The following PTPRN2 variants were observed in gnomAD, a reference collection of about 807,000 sequenced individuals.
PTPRN2 encodes the protein protein tyrosine phosphatase receptor type N2, also known as receptor-type tyrosine-protein phosphatase N2.
A neutral mutation model predicts 118.8 loss-of-function variants in PTPRN2; 74 were observed. The observed-to-expected ratio is 0.62, with a 90% CI of 0.52 to 0.76. PTPRN2 has a LOEUF of 0.76. Ranked by LOEUF, PTPRN2 falls within the 30% of genes least tolerant of loss-of-function variation. PTPRN2 has a pLI of 0.00. For synonymous variants in PTPRN2, 641 were observed against 608.0 expected (o/e 1.05, Z -0.80); for missense variants, 1,481 against 1,394.4 (o/e 1.06, Z -0.99).
chr7:158,141,336 C>A (rs1330295747), intron 6 of PTPRN2, among the ~76,000 whole-genome samples: 2 of 152,208 alleles, frequency 1.3e-5, no homozygotes, highest in Non-Finnish European at 2.9e-5. Context: ...GCCTGTGGCA[C>A]CCCCGTTCAC....
At position 157,699,337 on chromosome 7, in the gene PTPRN2, C is replaced by G. The variant is rs77450735; in HGVS notation, c.1789-16400G>C. 2.7e-3 allele frequency among the ~76,000 whole-genome samples: 408 copies of G among 152,336 alleles called. 1 individual carries two copies. The highest frequency in any genetic ancestry group is 9.3e-3 in the African/African-American group (386 of 41,580). Reference sequence around the variant, plus strand: ...AGAAGGAAAATCAAATGATCACCATCAAGTGACATTTTTTGATTTTATATT... The same window carrying G: ...AGAAGGAAAATCAAATGATCACCATGAAGTGACATTTTTTGATTTTATATT... On this transcript the variant is annotated intron_variant, in intron 12 of 22. Transcript: ENST00000389418.
At chr7:158,255,108 C>T (rs1267758633) in intron 3 of PTPRN2, among the ~76,000 whole-genome samples, 1 of 152,138 alleles carries the variant, frequency 6.6e-6, no homozygotes, top group Non-Finnish European at 1.5e-5. Flanking sequence ...CAGAGCAACC[C>T]AAAAGCTCCC....
intron 10 of PTPRN2, among the ~76,000 whole-genome samples, chr7:158,092,890 G>C (rs1016104355): frequency 5.9e-5 from 9 of 152,154 alleles, no homozygotes; most frequent in Non-Finnish European, 1.3e-4. Flanking sequence ...CAAACCAAGA[G>C]AGCACGCTGC....
intron 17 of PTPRN2, among the ~76,000 whole-genome samples, chr7:157,580,702 G>A (rs1261713555): frequency 1.6e-5 from 1 of 63,446 alleles, no homozygotes; most frequent in Admixed American, 2.3e-4. Flanking sequence ...CTGGACACCC[G>A]AGCCCCTCCA....
chr7:158,122,616 C>T (rs1817264371), intron 9 of PTPRN2, among the ~76,000 whole-genome samples: 1 of 152,176 alleles, frequency 6.6e-6, no homozygotes. Flanking sequence ...CACACTGAGG[C>T]CCCACACAGC....
intron 11 of PTPRN2, among the ~76,000 whole-genome samples, chr7:157,961,019 A>G (rs1801494743): frequency 6.6e-6 from 1 of 152,200 alleles, no homozygotes; most frequent in Non-Finnish European, 1.5e-5. Context: ...AAACAAAAAC[A>G]AAACAAAACC....
At chr7:157,642,163 TC>T (rs1804710448) in intron 14 of PTPRN2, among the ~76,000 whole-genome samples, 1 of 152,220 alleles carries the variant, frequency 6.6e-6, no homozygotes, top group African/African-American at 2.4e-5. Flanking sequence ...GTCTAGTGTT[TC>T]TCCAGCCCTT....
chr7:158,468,526 T>G (rs1670356), intron 2 of PTPRN2, among the ~76,000 whole-genome samples: 102,586 of 151,338 alleles, frequency 0.68, 34,853 homozygotes, highest in Admixed American at 0.77. Context: ...CTGGCGCCAG[T>G]TTATGTCTGG....
At chr7:158,107,617 A>G (rs778727144) in intron 10 of PTPRN2, among the ~76,000 whole-genome samples, 1 of 152,024 alleles carries the variant, frequency 6.6e-6, no homozygotes, top group Non-Finnish European at 1.5e-5. Context: ...GGCAGGCATC[A>G]CACTGTGTAG....
At chr7:157,689,723 C>T (rs545861625) in intron 12 of PTPRN2, among the ~76,000 whole-genome samples, 61 of 152,316 alleles carry the variant, frequency 4.0e-4, no homozygotes, top group Admixed American at 1.0e-3. Flanking sequence ...CACGCGGCCG[C>T]CTCACCTGGG....
intron 12 of PTPRN2, among the ~76,000 whole-genome samples, chr7:157,790,269 TTGTG>T (rs1804402789): frequency 1.5e-5 from 2 of 136,076 alleles, no homozygotes. Flanking sequence ...TGTGTGGTGT[TTGTG>T]TGGTGTGAAT....
chr7:158,386,719 G>A (rs1370985685), intron 2 of PTPRN2, among the ~76,000 whole-genome samples: 1 of 152,168 alleles, frequency 6.6e-6, no homozygotes. Context: ...CAACCTACCA[G>A]CGATCAAGTT....
rs769543404 is a variant in PTPRN2, at chr7:158,110,840, G to A, written c.1632C>T (p.Phe544=). ...GGCCCCGTACTTACTCCACGTCAGC[G>A]AACGCACTGCTGGGCACCTGCAGGA... is the stretch of plus-strand genomic sequence containing the variant. ...ARLLQVPSSA[F]ADVEVLGPAV... is the part of the protein sequence containing the mutation. The change falls in exon 10 of 23, where the codon TTC becomes TTT. Residue 544 remains phenylalanine, a synonymous_variant. Transcript: ENST00000389418. The A allele has an allele frequency of 2.3e-5, 36 of 1,587,434 alleles. No homozygotes were observed. The highest frequency in any genetic ancestry group is 1.7e-4 in the Middle Eastern group (1 of 6,024).
chr7:158,519,757 C>T (rs1002621077), intron 1 of PTPRN2, among the ~76,000 whole-genome samples: 1 of 152,000 alleles, frequency 6.6e-6, no homozygotes, highest in Non-Finnish European at 1.5e-5. Context: ...CCCAAGCAGC[C>T]AAGGGAAAGA....
intron 3 of PTPRN2, among the ~76,000 whole-genome samples, chr7:158,288,572 A>G (rs950290336): frequency 1.3e-5 from 2 of 152,134 alleles, no homozygotes; most frequent in African/African-American, 4.8e-5. Context: ...ATCTCTACAC[A>G]TTTACTCCAC....
At chr7:157,775,532 G>A (rs551062188) in intron 12 of PTPRN2, among the ~76,000 whole-genome samples, 64 of 152,348 alleles carry the variant, frequency 4.2e-4, no homozygotes, top group African/African-American at 1.3e-3. Context: ...GGAGAGGAGC[G>A]TGGAGCACGC....
intron 3 of PTPRN2, among the ~76,000 whole-genome samples, chr7:158,270,118 A>G (rs1385837364): frequency 6.6e-6 from 1 of 152,224 alleles, no homozygotes; most frequent in Non-Finnish European, 1.5e-5. Context: ...GGGAGCCCAG[A>G]GCTGGACCAT....
intron 1 of PTPRN2, among the ~76,000 whole-genome samples, chr7:158,577,366 TG>T (rs1828391115): frequency 7.4e-6 from 1 of 135,946 alleles, no homozygotes; most frequent in Non-Finnish European, 1.6e-5. Context: ...ACAGACAGCA[TG>T]GGGCCTGCAC....
intron 3 of PTPRN2, among the ~76,000 whole-genome samples, chr7:158,298,255 T>A (rs1462379559): frequency 6.6e-6 from 1 of 152,186 alleles, no homozygotes; most frequent in Non-Finnish European, 1.5e-5. Flanking sequence ...TTTCTTCTTT[T>A]TAATGTCTTT....
Sources: allele counts gnomAD v4.1 joint callset (sites outside exome capture counted in the v4.1 genomes callset), GRCh38; gene constraint gnomAD v4.1.1; transcripts MANE v1.5; gene names NCBI Gene and HGNC (gene_info 2026-07-23, HGNC 2026-07-21).